The following MCC variants were observed in gnomAD, a reference collection of about 807,000 sequenced individuals.
MCC encodes the protein colorectal mutant cancer protein.
MCC carries 90 observed loss-of-function variants against 116.2 expected under a neutral mutation model. The observed-to-expected ratio is 0.77, with a 90% confidence interval of 0.65 to 0.92. MCC has a LOEUF of 0.92. Among genes scored for constraint, MCC ranks in the 40% least tolerant of loss-of-function variants. MCC has a pLI of 0.00. For missense variants in MCC, 1,516 were observed against 1,312.2 expected (o/e 1.16, Z -2.40); for synonymous variants, 578 against 510.5 (o/e 1.13, Z -1.78).
chr5:113,198,525 T>C (rs1448134881), intron 3 of MCC, among the ~76,000 whole-genome samples: 2 of 134,504 alleles, frequency 1.5e-5, no homozygotes, highest in African/African-American at 6.2e-5. Context: ...TGAGACTCTG[T>C]CCCTACAAAT....
chr5:113,030,531 T>G (rs1425712659), intron 17 of MCC, among the ~76,000 whole-genome samples: 1 of 152,066 alleles, frequency 6.6e-6, no homozygotes, highest in Non-Finnish European at 1.5e-5. Context: ...AATATAAAAC[T>G]TAGCCAGATA....
At chr5:113,201,903 C>T (rs1360519881) in intron 3 of MCC, among the ~76,000 whole-genome samples, 3 of 152,124 alleles carry the variant, frequency 2.0e-5, no homozygotes, top group South Asian at 2.1e-4. Context: ...CCAAGTAACA[C>T]GCTGTCAGGC....
At chr5:113,363,651 T>C (rs1411236418) in intron 2 of MCC, among the ~76,000 whole-genome samples, 1 of 152,236 alleles carries the variant, frequency 6.6e-6, no homozygotes, top group East Asian at 1.9e-4. Context: ...CAATTTGACA[T>C]GAGATTTGGT....
intron 1 of MCC, among the ~76,000 whole-genome samples, chr5:113,486,823 T>C (rs1189630592): frequency 1.4e-5 from 2 of 142,882 alleles, no homozygotes; most frequent in South Asian, 2.4e-4. Context: ...GCCTGGGTGA[T>C]AGAGCGAGAT....
chr5:113,063,195 T>C (rs1399136436), intron 14 of MCC, among the ~76,000 whole-genome samples: 1 of 152,238 alleles, frequency 6.6e-6, no homozygotes, highest in African/African-American at 2.4e-5. Context: ...AAGTGTCTTC[T>C]AAACTGAGGA....
At chr5:113,059,562 C>T (rs1187577330) in intron 14 of MCC, among the ~76,000 whole-genome samples, 1 of 152,206 alleles carries the variant, frequency 6.6e-6, no homozygotes, top group African/African-American at 2.4e-5. Flanking sequence ...CATTATTCCT[C>T]CTCTCCAGAA....
intron 3 of MCC, among the ~76,000 whole-genome samples, chr5:113,170,562 G>C (rs1761021561): frequency 1.3e-5 from 2 of 151,812 alleles, no homozygotes; most frequent in Admixed American, 1.3e-4. Context: ...CACTTCCTAG[G>C]GATACCGGGG....
intron 2 of MCC, among the ~76,000 whole-genome samples, chr5:113,355,648 T>A (rs1768392658): frequency 6.6e-6 from 1 of 152,112 alleles, no homozygotes; most frequent in Non-Finnish European, 1.5e-5. Context: ...TATTCCTGGC[T>A]TGTAAGCAGC....
At position 113,132,059 on chromosome 5, in the gene MCC, A is replaced by G. The variant is rs185891589; in HGVS notation, c.885-9233T>C. Reference sequence around the variant, plus strand: ...TTGAAAATGAGAGATCCAAAGTACCATGATTTATAGTGTGGGATATAAGCG... The same window carrying G: ...TTGAAAATGAGAGATCCAAAGTACCGTGATTTATAGTGTGGGATATAAGCG... On this transcript the variant is annotated intron_variant, in intron 5 of 18. Transcript: ENST00000408903. Among the ~76,000 whole-genome samples, 717 of 152,138 alleles carry G rather than the reference A, an allele frequency of 4.7e-3. 8 individuals are homozygous for G. Among genetic ancestry groups the G allele is most frequent in the African/African-American group, 0.017 (688 of 41,446 alleles).
In MCC at chr5:113,043,613, G is replaced by A; in HGVS notation, c.2673C>T (p.Ala891=). The A allele has an allele frequency of 2.5e-6, 4 of 1,613,876 alleles. No homozygotes were observed. The highest frequency in any genetic ancestry group is 2.2e-5 in the South Asian group (2 of 91,048). Residue 891 remains alanine (A), a synonymous_variant, in exon 17 of 19, where the codon GCC becomes GCT. Transcript: ENST00000408903. Reference sequence around the variant, plus strand: ...GTTCGGCTAGGGACAGAGCTGGGGAGGCAGCATCAGCACACTCCTGACAAC... The same window carrying A: ...GTTCGGCTAGGGACAGAGCTGGGGAAGCAGCATCAGCACACTCCTGACAAC... ...DKPGKECADA[A]SPALSLAELR...
chr5:113,132,048 T>A (rs75818246), intron 5 of MCC, among the ~76,000 whole-genome samples: 20,078 of 152,098 alleles, frequency 0.13, 1,798 homozygotes, highest in African/African-American at 0.24. Context: ...AAATGAGAGA[T>A]CCAAAGTACC....
chr5:113,084,048 G>T, intron 10 of MCC, 53 bp downstream of exon 10: 1 of 1,381,492 alleles, frequency 7.2e-7, no homozygotes, highest in Non-Finnish European at 1.0e-6. Flanking sequence ...ATAATCCATT[G>T]TCTGTGTAGC....
At position 113,090,358 on chromosome 5, in the gene MCC, G is replaced by GA. The variant is rs11299345; in HGVS notation, c.1399-5049dup. 3.3e-4 allele frequency among the ~76,000 whole-genome samples: 48 copies of GA among 146,292 alleles called. 1 individual carries two copies. Among genetic ancestry groups the GA allele is most frequent in the African/African-American group, 7.7e-4 (31 of 40,366 alleles). The stretch of plus-strand genomic sequence containing the variant: ...AGGAGGCTGACCTAGGACCAAAAAA[G>GA]AAAAAAAAAAAGGAAGCTTACACAG... On this transcript the variant is annotated intron_variant, in intron 8 of 18. Transcript: ENST00000408903.
chr5:113,031,919 G>A (rs1427825949), intron 17 of MCC, among the ~76,000 whole-genome samples: 1 of 152,138 alleles, frequency 6.6e-6, no homozygotes, highest in Non-Finnish European at 1.5e-5. Flanking sequence ...CCATTGCTGG[G>A]AGCTTAGAAC....
chr5:113,466,910 T>G lies in MCC; in HGVS notation c.170+21335A>C, dbSNP rs1201136294. Among the ~76,000 whole-genome samples the G allele has an allele frequency of 2.6e-4, 39 of 151,948 alleles. No homozygotes were observed. In the East Asian group the frequency reaches 7.5e-3, roughly 29 times the overall value. The stretch of plus-strand genomic sequence containing the variant: ...GTGAGATGGTATCTCACTGTGGTTT[T>G]GATTTGCATTTCTCTGATGGCCAGT... On this transcript the variant is annotated intron_variant, in intron 1 of 18. Coordinates refer to ENST00000408903, the MANE Select transcript of MCC (RefSeq NM_001085377.2).
intron 2 of MCC, among the ~76,000 whole-genome samples, chr5:113,370,736 C>T (rs2150388717): frequency 6.6e-6 from 1 of 152,238 alleles, no homozygotes; most frequent in African/African-American, 2.4e-5. Flanking sequence ...AAAGCAAAAC[C>T]ATTTTCCAGC....
At chr5:113,421,298 T>C (rs1770327822) in intron 1 of MCC, among the ~76,000 whole-genome samples, 1 of 152,148 alleles carries the variant, frequency 6.6e-6, no homozygotes, top group African/African-American at 2.4e-5. Flanking sequence ...GTGCTGGGAT[T>C]ACAGGTGTGA....
chr5:113,434,492 C>A lies in MCC; in HGVS notation c.171-49280G>T. 2 of 1,613,206 alleles carry A rather than the reference C, an allele frequency of 1.2e-6. No homozygotes were observed. Among genetic ancestry groups the A allele is most frequent in the South Asian group, 2.2e-5 (2 of 91,026 alleles). On this transcript the variant is annotated intron_variant, in intron 1 of 18. Coordinates refer to ENST00000408903, the MANE Select transcript of MCC (RefSeq NM_001085377.2). This position sits in a 1 kb window ranked among gnomAD's most constrained non-coding sequence, Gnocchi z 4.2. Reference sequence around the variant, plus strand: ...TGATGGCCAAGGAAAGCTGGTGGAACTTCTTGCGAGCTTCGTCCTCATGCA... The same window carrying A: ...TGATGGCCAAGGAAAGCTGGTGGAAATTCTTGCGAGCTTCGTCCTCATGCA...
chr5:113,488,374 C>A lies in MCC; in HGVS notation c.41G>T (p.Ser14Ile), dbSNP rs773784998. ...AAAAAAAGSS[S>I]SGGGGGGSGS... Reference sequence around the variant, plus strand: ...GCTGCCGCCGCCGCCGCCGCCGCTGCTGGAGCTCCCCGCAGCCGCTGCCGC... The same window carrying A: ...GCTGCCGCCGCCGCCGCCGCCGCTGATGGAGCTCCCCGCAGCCGCTGCCGC... Residue 14 changes from serine to isoleucine, a missense_variant, in exon 1 of 19, where the codon AGC becomes ATC. Physicochemically the swap from Ser to Ile is moderately radical, Grantham distance 142 (BLOSUM62 -2). Transcript: ENST00000408903. 6.6e-7 allele frequency: 1 copy of A among 1,506,154 alleles called. No individual in the cohort carries two copies. The highest frequency in any genetic ancestry group is 1.3e-5 in the South Asian group (1 of 78,134). The allele number at this position is 1,506,154 out of a possible 1,614,324, so 93.3% of individuals were successfully genotyped here.
Sources: gnomAD v4.1 joint callset for allele counts (sites outside exome capture counted in the v4.1 genomes callset) on GRCh38, gnomAD v4.1.1 for gene constraint, Gnocchi (gnomAD v3.1) non-coding constraint, MANE v1.5 for transcripts, NCBI Gene and HGNC (gene_info 2026-07-23, HGNC 2026-07-21) for gene names.